TMEM132B: variants seen among roughly 807,000 people sequenced by gnomAD.
The protein encoded by TMEM132B is transmembrane protein 132B.
A neutral mutation model predicts 90.8 loss-of-function variants in TMEM132B; 18 were observed. The observed-to-expected ratio is 0.20, with a 90% CI of 0.14 to 0.29. The LOEUF (loss-of-function observed/expected upper bound fraction) is 0.29, where lower values mean the gene tolerates loss of function less well. Among genes scored for constraint, TMEM132B ranks in the 10% least tolerant of loss-of-function variants. TMEM132B has a pLI of 1.00. For synonymous variants in TMEM132B, 504 were observed against 523.3 expected (o/e 0.96, Z 0.50); for missense variants, 1,096 against 1,326.8 (o/e 0.83, Z 2.70).
At chr12:125,513,639 C>T (rs1883037469) in intron 3 of TMEM132B, among the ~76,000 whole-genome samples, 1 of 152,176 alleles carries the variant, frequency 6.6e-6, no homozygotes, top group Non-Finnish European at 1.5e-5. Flanking sequence ...TTAAAATAGA[C>T]TTATTCATTC....
At chr12:125,479,576 T>C (rs983677874) in intron 3 of TMEM132B, among the ~76,000 whole-genome samples, 3 of 152,182 alleles carry the variant, frequency 2.0e-5, no homozygotes, top group African/African-American at 7.2e-5. Flanking sequence ...CCTAAATATA[T>C]ATGCACCCAA....
At chr12:125,226,807 G>C (rs189753858) in intron 1 of TMEM132B, among the ~76,000 whole-genome samples, 1 of 152,192 alleles carries the variant, frequency 6.6e-6, no homozygotes, top group Non-Finnish European at 1.5e-5. Context: ...GCACTGGGGG[G>C]AAAATCAATC....
At chr12:125,384,499 T>G (rs1267742578) in intron 2 of TMEM132B, among the ~76,000 whole-genome samples, 1 of 152,262 alleles carries the variant, frequency 6.6e-6, no homozygotes, top group Non-Finnish European at 1.5e-5. Flanking sequence ...TTCAGATTAA[T>G]AAATCCATCA....
intron 4 of TMEM132B, among the ~76,000 whole-genome samples, chr12:125,526,186 A>C (rs16919186): frequency 0.054 from 8,207 of 152,158 alleles, 655 homozygotes; most frequent in African/African-American, 0.17. Context: ...ACACAGTAAA[A>C]CTGCCCACTG....
intron 1 of TMEM132B, among the ~76,000 whole-genome samples, chr12:125,191,515 GA>G (rs1478290378): frequency 2.0e-5 from 3 of 152,204 alleles, no homozygotes; most frequent in Non-Finnish European, 2.9e-5. Flanking sequence ...GCCTTGTGCG[GA>G]ATGGTGTGGC....
At position 125,504,437 on chromosome 12, in the gene TMEM132B, T is replaced by G. The variant is rs1446920854; in HGVS notation, c.1107-15002T>G. 2.0e-5 allele frequency among the ~76,000 whole-genome samples: 3 copies of G among 152,186 alleles called. No individual in the cohort carries two copies. The East Asian group carries it at 5.8e-4, about 29-fold the overall frequency. ...AATCCTTTGTGACTCAGAGGTGCCA[T>G]GTGTTTTGGGAGTGACTGAATCAAA... On this transcript the variant is annotated intron_variant, in intron 3 of 8. Transcript: ENST00000682704.
chr12:125,366,993 C>T (rs554058532), intron 2 of TMEM132B, among the ~76,000 whole-genome samples: 33 of 152,066 alleles, frequency 2.2e-4, no homozygotes, highest in Admixed American at 3.9e-4. Context: ...TTGTAGTTTT[C>T]GATCTAGACT....
chr12:125,424,978 C>T (rs1277886560), intron 3 of TMEM132B, among the ~76,000 whole-genome samples: 1 of 151,990 alleles, frequency 6.6e-6, no homozygotes, highest in Non-Finnish European at 1.5e-5. Context: ...TGGGAGATTC[C>T]CTCTAAACAG....
intron 3 of TMEM132B, among the ~76,000 whole-genome samples, chr12:125,440,840 T>C (rs1880850263): frequency 6.6e-6 from 1 of 152,174 alleles, no homozygotes; most frequent in South Asian, 2.1e-4. Context: ...AAGCGGAAAC[T>C]CAAGTCAACC....
At chr12:125,647,846 G>C (rs7138355) in intron 6 of TMEM132B, among the ~76,000 whole-genome samples, 82,755 of 150,908 alleles carry the variant, frequency 0.55, 23,987 homozygotes, top group African/African-American at 0.75. Flanking sequence ...ATGACATTAT[G>C]TGATGTGGTA....
intron 2 of TMEM132B, among the ~76,000 whole-genome samples, chr12:125,398,470 G>A (rs1458076424): frequency 2.0e-5 from 3 of 152,166 alleles, no homozygotes; most frequent in South Asian, 2.1e-4. Flanking sequence ...TAGGGTAAAC[G>A]CAGTAATTAG....
At chr12:125,260,886 A>C (rs769566418) in intron 1 of TMEM132B, among the ~76,000 whole-genome samples, 7 of 151,832 alleles carry the variant, frequency 4.6e-5, no homozygotes, top group Admixed American at 2.0e-4. Context: ...ACTGCACTGC[A>C]GCCTGGGCGT....
At chr12:125,600,862 A>G (rs1399559670) in intron 5 of TMEM132B, among the ~76,000 whole-genome samples, 3 of 152,244 alleles carry the variant, frequency 2.0e-5, no homozygotes, top group African/African-American at 4.8e-5. Context: ...GATAAAAAAA[A>G]GACAAAGAAG....
intron 5 of TMEM132B, among the ~76,000 whole-genome samples, chr12:125,614,009 A>G (rs1425206783): frequency 6.6e-6 from 1 of 152,138 alleles, no homozygotes; most frequent in Non-Finnish European, 1.5e-5. Context: ...CCAACAATAT[A>G]ATTGTATACA....
At chr12:125,644,947 AC>A in intron 6 of TMEM132B, among the ~76,000 whole-genome samples, 2 of 152,180 alleles carry the variant, frequency 1.3e-5, no homozygotes, top group South Asian at 4.1e-4. Flanking sequence ...AGTTCTAAAG[AC>A]GACTCTCGCC....
chr12:125,272,718 G>A (rs529123290), intron 1 of TMEM132B, among the ~76,000 whole-genome samples: 12 of 152,266 alleles, frequency 7.9e-5, no homozygotes, highest in South Asian at 2.1e-4. Flanking sequence ...GGAGGGAGTC[G>A]TCACATTATT....
At chr12:125,295,396 C>T (rs116845882) in intron 1 of TMEM132B, among the ~76,000 whole-genome samples, 3 of 152,106 alleles carry the variant, frequency 2.0e-5, no homozygotes, top group Non-Finnish European at 2.9e-5. Context: ...TGGAAGGGAA[C>T]GTGGACATGA....
chr12:125,625,889 T>G (rs773770790), intron 5 of TMEM132B, among the ~76,000 whole-genome samples: 5 of 152,250 alleles, frequency 3.3e-5, no homozygotes, highest in Non-Finnish European at 7.3e-5. Flanking sequence ...AATTGGTATT[T>G]CCTTGATAAT....
intron 5 of TMEM132B, among the ~76,000 whole-genome samples, chr12:125,641,335 A>G (rs551157363): frequency 8.5e-4 from 129 of 152,320 alleles, no homozygotes; most frequent in Non-Finnish European, 1.4e-3. Context: ...TGAGTTTGCA[A>G]ATATGGAATC....
Sources: allele counts gnomAD v4.1 joint callset (sites outside exome capture counted in the v4.1 genomes callset), GRCh38; gene constraint gnomAD v4.1.1; transcripts MANE v1.5; gene names NCBI Gene and HGNC (gene_info 2026-07-23, HGNC 2026-07-21).